RNGTT: variants seen among roughly 807,000 people sequenced by gnomAD.
RNGTT encodes the protein RNA guanylyltransferase and 5'-phosphatase, also known as mRNA-capping enzyme.
A neutral mutation model predicts 79.3 loss-of-function variants in RNGTT; 33 were observed. That is an observed-to-expected ratio of 0.42 (90% CI 0.32 to 0.56). The LOEUF (loss-of-function observed/expected upper bound fraction) is 0.56, where lower values mean the gene tolerates loss of function less well. Among genes scored for constraint, RNGTT ranks in the 20% least tolerant of loss-of-function variants. The pLI is 0.17. For synonymous variants in RNGTT, 222 were observed against 235.9 expected, an observed-to-expected ratio of 0.94 and a Z score of 0.54; for missense variants, 497 against 739.1, an observed-to-expected ratio of 0.67 and a Z score of 3.80.
chr6:88,745,540 AAT>A (rs1777632315), intron 13 of RNGTT, among the ~76,000 whole-genome samples: 1 of 152,188 alleles, frequency 6.6e-6, no homozygotes, highest in African/African-American at 2.4e-5. Flanking sequence ...AGTTAAATAA[AAT>A]ATGTTATTGG....
chr6:88,647,715 A>AAAAAAAAAAAAAAAGAAAAAAGAAG (rs531898293), intron 14 of RNGTT, among the ~76,000 whole-genome samples: 3 of 142,504 alleles, frequency 2.1e-5, no homozygotes, highest in Admixed American at 6.8e-5. Flanking sequence ...AAAAAAAAAA[A>AAAAAAAAAAAAAAAGAAAAAAGAAG]AAGAAGAAGA....
intron 13 of RNGTT, among the ~76,000 whole-genome samples, chr6:88,762,059 G>C (rs1200863780): frequency 6.6e-6 from 1 of 152,104 alleles, no homozygotes; most frequent in African/African-American, 2.4e-5. Context: ...AAACAGACAC[G>C]AATTGCCAGG....
intron 4 of RNGTT, among the ~76,000 whole-genome samples, chr6:88,908,690 A>G (rs558157529): frequency 6.6e-6 from 1 of 152,264 alleles, no homozygotes; most frequent in East Asian, 1.9e-4. Flanking sequence ...AGCTGCAGCA[A>G]AACACCACCA....
In RNGTT at chr6:88,910,492, T is replaced by C. The variant is rs184475592; in HGVS notation, c.368-4052A>G. On this transcript the variant is annotated intron_variant, in intron 4 of 15. Coordinates refer to ENST00000369485, the MANE Select transcript of RNGTT (RefSeq NM_003800.5). ...AATGAACAAAGCCTCTGAGAAATAA[T>C]AGGATTACATAAAGTGACCAAACCT... Among the ~76,000 whole-genome samples the C allele has an allele frequency of 1.8e-3, 280 of 152,148 alleles. 3 individuals are homozygous for C. Among genetic ancestry groups the C allele is most frequent in the African/African-American group, 6.6e-3 (272 of 41,516 alleles).
intron 8 of RNGTT, among the ~76,000 whole-genome samples, chr6:88,872,490 CA>C (rs1782389193): frequency 6.6e-6 from 1 of 152,046 alleles, no homozygotes; most frequent in Admixed American, 6.6e-5. Flanking sequence ...CTATAGTCAA[CA>C]ATAACTTAAC....
rs116409055 is a variant in RNGTT, at chr6:88,694,078, A to G, written c.1440-15659T>C. ...ACTACTCTCACCACTTCTCTTCAAC[A>G]CAGTACTGGAAGTCCTTGCTGGAGC... On this transcript the variant is annotated intron_variant, in intron 13 of 15. Transcript: ENST00000369485. Among the ~76,000 whole-genome samples the G allele has an allele frequency of 3.5e-3, 538 of 152,318 alleles. 1 individual carries two copies. The highest frequency in any genetic ancestry group is 0.012 in the African/African-American group (503 of 41,586).
rs1779646397 is a variant in RNGTT, at chr6:88,797,820, G to C, written c.1338+3744C>G. Among the ~76,000 whole-genome samples the C allele has an allele frequency of 2.6e-5, 4 of 151,610 alleles. No homozygotes were observed. The South Asian group carries it at 8.4e-4, about 32-fold the overall frequency. ...ACAGAAGGAGAAAGGGGTGTGGAGGGGGTTAGTGGAATTAGAGGGCTCAAT... is the reference window on the plus strand; with the variant it reads ...ACAGAAGGAGAAAGGGGTGTGGAGGCGGTTAGTGGAATTAGAGGGCTCAAT... On this transcript the variant is annotated intron_variant, in intron 12 of 15. Coordinates refer to ENST00000369485, the MANE Select transcript of RNGTT (RefSeq NM_003800.5).
At chr6:88,710,570 C>T (rs1776284728) in intron 13 of RNGTT, among the ~76,000 whole-genome samples, 1 of 152,152 alleles carries the variant, frequency 6.6e-6, no homozygotes. Context: ...GCAACCACAT[C>T]AACCTAACGG....
intron 4 of RNGTT, among the ~76,000 whole-genome samples, chr6:88,917,263 T>C (rs1045013530): frequency 1.1e-4 from 16 of 152,312 alleles, no homozygotes; most frequent in African/African-American, 3.6e-4. Flanking sequence ...ATTCCTGGTA[T>C]AATAAAATGA....
At chr6:88,906,289 C>T in intron 5 of RNGTT, 76 bp downstream of exon 5, 1 of 928,146 alleles carries the variant, frequency 1.1e-6, no homozygotes, top group South Asian at 1.7e-5. Flanking sequence ...CTTGACAATA[C>T]AAAATTCTGC....
chr6:88,927,769 G>A (rs1411775628), intron 4 of RNGTT, among the ~76,000 whole-genome samples: 1 of 151,758 alleles, frequency 6.6e-6, no homozygotes, highest in Non-Finnish European at 1.5e-5. Context: ...GGGAGGCAGA[G>A]GTTGCAGTGA....
intron 11 of RNGTT, among the ~76,000 whole-genome samples, chr6:88,803,949 C>A (rs1779876553): frequency 6.6e-6 from 1 of 152,080 alleles, no homozygotes; most frequent in South Asian, 2.1e-4. Flanking sequence ...ACTGAAAATT[C>A]ATGGGTCAAA....
chr6:88,615,883 T>C (rs1169699197), intron 14 of RNGTT, among the ~76,000 whole-genome samples: 3 of 152,160 alleles, frequency 2.0e-5, no homozygotes, highest in Non-Finnish European at 4.4e-5. Context: ...TAAAAAAACA[T>C]TGAATTTTCC....
intron 13 of RNGTT, among the ~76,000 whole-genome samples, chr6:88,768,600 A>G (rs775684764): frequency 5.9e-5 from 9 of 152,328 alleles, no homozygotes; most frequent in Non-Finnish European, 1.3e-4. Flanking sequence ...CAAAAATGCT[A>G]TCTGTGCTTT....
rs577839676 is a variant in RNGTT, at chr6:88,816,258, T to C, written c.1270-14626A>G. Among the ~76,000 whole-genome samples the C allele has an allele frequency of 7.2e-5, 11 of 152,322 alleles. No homozygotes were observed. The South Asian group carries it at 2.3e-3, about 32-fold the overall frequency. Reference sequence around the variant, plus strand: ...CTCCAATGTCAAAATTAAAGTTCTATTAGTTATCTTCCATGCCTCTATATG... The same window carrying C: ...CTCCAATGTCAAAATTAAAGTTCTACTAGTTATCTTCCATGCCTCTATATG... On this transcript the variant is annotated intron_variant, in intron 11 of 15. Transcript: ENST00000369485.
At chr6:88,821,671 A>C (rs1421619858) in intron 11 of RNGTT, among the ~76,000 whole-genome samples, 2 of 152,036 alleles carry the variant, frequency 1.3e-5, no homozygotes, top group Non-Finnish European at 2.9e-5. Context: ...AAGCAAACTG[A>C]AAGAAAAAAT....
intron 1 of RNGTT, among the ~76,000 whole-genome samples, chr6:88,960,475 T>C (rs1021322931): frequency 6.6e-6 from 1 of 152,198 alleles, no homozygotes; most frequent in African/African-American, 2.4e-5. Flanking sequence ...AGCTCACACC[T>C]GTAATGCCAA....
intron 13 of RNGTT, among the ~76,000 whole-genome samples, chr6:88,698,252 T>G (rs1410021558): frequency 9.1e-6 from 1 of 110,102 alleles, no homozygotes; most frequent in Non-Finnish European, 1.6e-5. Context: ...ATATGAAATA[T>G]ATATATAAAT....
intron 8 of RNGTT, among the ~76,000 whole-genome samples, chr6:88,880,236 G>A (rs1323983058): frequency 1.3e-5 from 2 of 152,266 alleles, no homozygotes; most frequent in Admixed American, 6.5e-5. Context: ...GGAAGGAAGG[G>A]AGGGAGGGAG....
Sources: allele counts gnomAD v4.1 joint callset (sites outside exome capture counted in the v4.1 genomes callset), GRCh38; gene constraint gnomAD v4.1.1; transcripts MANE v1.5; gene names NCBI Gene and HGNC (gene_info 2026-07-23, HGNC 2026-07-21).